ESCO1: variants seen among roughly 807,000 people sequenced by gnomAD.
ESCO1 encodes the protein establishment of sister chromatid cohesion N-acetyltransferase 1.
ESCO1 carries 33 observed loss-of-function variants against 83.5 expected under a neutral mutation model. That is an observed-to-expected ratio of 0.40 (90% CI 0.30 to 0.53). ESCO1 has a LOEUF of 0.53. Among genes scored for constraint, ESCO1 ranks in the 20% least tolerant of loss-of-function variants. The pLI, the probability that ESCO1 is intolerant of heterozygous loss-of-function variation, is 0.63. For missense variants in ESCO1, 855 were observed against 968.0 expected (o/e 0.88, Z 1.55); for synonymous variants, 332 against 324.3 (o/e 1.02, Z -0.25).
At chr18:21,530,622 G>A (rs1338891860) in intron 11 of ESCO1, 132 bp from the exon 12 acceptor site, 2 of 699,126 alleles carry the variant, frequency 2.9e-6, no homozygotes, top group Admixed American at 3.9e-5. Context: ...ACTGCTGTAT[G>A]TGCTCAAAAT....
chr18:21,540,558 C>T, intron 8 of ESCO1: 2 of 1,304,388 alleles, frequency 1.5e-6, no homozygotes, highest in Non-Finnish European at 2.0e-6. Flanking sequence ...AAGAAGGAGA[C>T]TATAAAAAAT....
intron 1 of ESCO1, among the ~76,000 whole-genome samples, chr18:21,586,999 A>G (rs901851859): frequency 9.2e-5 from 14 of 152,148 alleles, no homozygotes; most frequent in African/African-American, 3.1e-4. Flanking sequence ...TGAGGTAATC[A>G]TGTCCGTTTC....
At chr18:21,596,474 G>A (rs2038768969) in intron 1 of ESCO1, among the ~76,000 whole-genome samples, 1 of 152,080 alleles carries the variant, frequency 6.6e-6, no homozygotes, top group African/African-American at 2.4e-5. Flanking sequence ...GTGCTTAAGT[G>A]TTAGCTATAA....
chr18:21,569,775 C>A (rs958656417), intron 4 of ESCO1, among the ~76,000 whole-genome samples: 1 of 152,014 alleles, frequency 6.6e-6, no homozygotes, highest in Non-Finnish European at 1.5e-5. Flanking sequence ...CACTTGAACC[C>A]GGGAGGCGGA....
chr18:21,593,027 T>A (rs1345838387), intron 1 of ESCO1: 1 of 145,022 alleles, frequency 6.9e-6, no homozygotes. Context: ...ACTTCCTAGA[T>A]GGGATGGCGG....
chr18:21,533,185 A>T (rs1432123607), intron 10 of ESCO1, among the ~76,000 whole-genome samples: 3 of 152,188 alleles, frequency 2.0e-5, no homozygotes, highest in East Asian at 3.8e-4. Context: ...TAAAAAAAAA[A>T]TACCTTAAAA....
In ESCO1 at chr18:21,574,050, G is replaced by A. The variant is rs367553775; in HGVS notation, c.794C>T (p.Ser265Leu). 1.4e-5 allele frequency: 23 copies of A among 1,612,504 alleles called. No individual in the cohort carries two copies. The African/African-American group carries it at 2.4e-4, about 17-fold the overall frequency. Residue 265 changes from serine to leucine, a missense_variant, in exon 4 of 12, where the codon TCG becomes TTG. This residue lies in a region of ESCO1 where 726 missense variants were observed against 699.5 expected (regional missense o/e 1.04). Transcript: ENST00000269214. ...GTTAGTATTCACTTGTGTATGAACC[G>A]ACTTCTTCATCTCATTCTTTTTCGG... ...VVPKKNEMKKSVHTQVNTNTT... is the reference protein window; with the variant it reads ...VVPKKNEMKKLVHTQVNTNTT...
chr18:21,566,058 A>T, intron 6 of ESCO1, 88 bp downstream of exon 6: 1 of 1,168,834 alleles, frequency 8.6e-7, no homozygotes, highest in Non-Finnish European at 1.3e-6. Context: ...ACTGAGGGTT[A>T]CTAGCATAAC....
At chr18:21,537,708 G>A (rs1232083276) in intron 9 of ESCO1, among the ~76,000 whole-genome samples, 2 of 152,062 alleles carry the variant, frequency 1.3e-5, no homozygotes, top group South Asian at 2.1e-4. Context: ...ATTTTGTTCC[G>A]ATAAACTAAA....
intron 11 of ESCO1, 109 bp downstream of exon 11, chr18:21,532,364 A>C: frequency 2.5e-6 from 3 of 1,209,638 alleles, no homozygotes; most frequent in Non-Finnish European, 3.4e-6. Context: ...ATTTGTAATT[A>C]ATACAAATAA....
Position 21,541,768 on chromosome 18 carries a change from A to G in ESCO1, c.1954-1759T>C, listed in dbSNP as rs138184590. On this transcript the variant is annotated intron_variant, in intron 8 of 11. Coordinates refer to ENST00000269214, the MANE Select transcript of ESCO1 (RefSeq NM_052911.3). Reference sequence around the variant, plus strand: ...TATGAACCTATTTTTAATAAAATGAAAAGAGATTTTCACTTTAAAACATCG... The same window carrying G: ...TATGAACCTATTTTTAATAAAATGAGAAGAGATTTTCACTTTAAAACATCG... Among the ~76,000 whole-genome samples, 61 of 152,270 alleles carry G rather than the reference A, an allele frequency of 4.0e-4. 1 individual carries two copies. In the East Asian group the frequency reaches 6.2e-3, roughly 15 times the overall value.
intron 8 of ESCO1, among the ~76,000 whole-genome samples, chr18:21,549,128 T>C (rs1392660791): frequency 6.6e-6 from 1 of 152,160 alleles, no homozygotes; most frequent in Non-Finnish European, 1.5e-5. Flanking sequence ...TTGTAAAGGC[T>C]GTTTCTTAAT....
intron 8 of ESCO1, among the ~76,000 whole-genome samples, chr18:21,552,370 A>G (rs1460341013): frequency 3.3e-5 from 5 of 152,100 alleles, no homozygotes; most frequent in East Asian, 1.9e-4. Context: ...GGGGGTAGTT[A>G]CCCCCATGCT....
In ESCO1 at chr18:21,546,202, C is replaced by T. The variant is rs142406678; in HGVS notation, c.1954-6193G>A. On this transcript the variant is annotated intron_variant, in intron 8 of 11. Transcript: ENST00000269214. ...ACTCTGCTACTCACTAGCTGCCCTGCTTTGGGCAAATTACTTAACCTCTCT... is the reference window on the plus strand; with the variant it reads ...ACTCTGCTACTCACTAGCTGCCCTGTTTTGGGCAAATTACTTAACCTCTCT... 1.6e-4 allele frequency among the ~76,000 whole-genome samples: 25 copies of T among 152,216 alleles called. No homozygotes were observed. In the East Asian group the frequency reaches 4.5e-3, roughly 27 times the overall value.
intron 1 of ESCO1, among the ~76,000 whole-genome samples, chr18:21,592,647 C>T (rs1213530713): frequency 7.0e-6 from 1 of 142,930 alleles, no homozygotes; most frequent in Non-Finnish European, 1.5e-5. Context: ...TGGCCTGGCG[C>T]GGGCTGACCC....
intron 8 of ESCO1, among the ~76,000 whole-genome samples, chr18:21,555,186 A>C (rs2038097840): frequency 6.6e-6 from 1 of 152,212 alleles, no homozygotes; most frequent in South Asian, 2.1e-4. Flanking sequence ...ATACTATATT[A>C]TTCCAACTCT....
intron 6 of ESCO1, among the ~76,000 whole-genome samples, chr18:21,565,511 G>A (rs2146202780): frequency 6.6e-6 from 1 of 152,296 alleles, no homozygotes; most frequent in Admixed American, 6.5e-5. Context: ...AGTAAGCAAA[G>A]ATACATGTGT....
Position 21,539,988 on chromosome 18 carries a change from G to A in ESCO1, c.1975C>T (p.Leu659=), listed in dbSNP as rs1375001453. Residue 659 remains leucine (L), a synonymous_variant, in exon 9 of 12, where the codon CTG becomes TTG. Coordinates refer to ENST00000269214, the MANE Select transcript of ESCO1 (RefSeq NM_052911.3). The part of the protein sequence containing the change: ...KYVGWKKERI[L]AEYPDGRIIM... ...ATCCTGCCATCAGGGTATTCAGCCAGAATTCTTTCTTTCTTCCAGCCCTAG... is the reference window on the plus strand; with the variant it reads ...ATCCTGCCATCAGGGTATTCAGCCAAAATTCTTTCTTTCTTCCAGCCCTAG... The A allele has an allele frequency of 1.2e-6, 2 of 1,611,654 alleles. No individual in the cohort carries two copies. The highest frequency in any genetic ancestry group is 3.4e-5 in the Admixed American group (2 of 59,650).
chr18:21,557,686 T>A (rs2146194721), intron 8 of ESCO1, among the ~76,000 whole-genome samples: 1 of 152,142 alleles, frequency 6.6e-6, no homozygotes, highest in East Asian at 1.9e-4. Context: ...AAGGATTGAG[T>A]TTTTCTCAGC....
Sources: allele counts gnomAD v4.1 joint callset (sites outside exome capture counted in the v4.1 genomes callset), GRCh38; gene constraint gnomAD v4.1.1; regional missense constraint gnomAD v4.1.1; transcripts MANE v1.5; gene names NCBI Gene and HGNC (gene_info 2026-07-23, HGNC 2026-07-21).